MAML3: variants seen among roughly 807,000 people sequenced by gnomAD.
MAML3 encodes the protein mastermind like transcriptional coactivator 3, also known as mastermind-like protein 3.
MAML3 carries 27 observed loss-of-function variants against 101.9 expected under a neutral mutation model. The ratio of observed to expected loss-of-function variants is 0.27; its 90% CI spans 0.20 to 0.37. MAML3 has a LOEUF of 0.37. MAML3 is among the 10% of genes least tolerant of loss of function. The pLI is 1.00. For synonymous variants in MAML3, 501 were observed against 555.9 expected (o/e 0.90, Z 1.39); for missense variants, 1,316 against 1,444.9 (o/e 0.91, Z 1.45).
At chr4:139,817,839 G>A (rs1438372433) in intron 2 of MAML3, among the ~76,000 whole-genome samples, 1 of 152,140 alleles carries the variant, frequency 6.6e-6, no homozygotes, top group Non-Finnish European at 1.5e-5. Flanking sequence ...TCTCTGCACT[G>A]GCCTCCTGGC....
intron 1 of MAML3, among the ~76,000 whole-genome samples, chr4:139,896,312 C>T (rs1341346595): frequency 6.6e-6 from 1 of 152,182 alleles, no homozygotes; most frequent in Non-Finnish European, 1.5e-5. Flanking sequence ...GGCCCTTCTG[C>T]CTCGCAAAGC....
chr4:139,853,985 C>T (rs1731609688), intron 2 of MAML3, among the ~76,000 whole-genome samples: 1 of 151,894 alleles, frequency 6.6e-6, no homozygotes, highest in African/African-American at 2.4e-5. Context: ...TCATGCCCAG[C>T]TAATTTTTTT....
intron 1 of MAML3, among the ~76,000 whole-genome samples, chr4:140,076,463 G>A (rs1003574067): frequency 1.1e-4 from 16 of 152,106 alleles, no homozygotes; most frequent in African/African-American, 3.6e-4. Flanking sequence ...GACTTTTGTG[G>A]TTGAAATGAA....
chr4:139,951,516 C>T (rs1733831032), intron 1 of MAML3, among the ~76,000 whole-genome samples: 1 of 152,188 alleles, frequency 6.6e-6, no homozygotes, highest in Non-Finnish European at 1.5e-5. Context: ...CCTGCCATCA[C>T]AACTTGGTCC....
chr4:139,843,529 A>G (rs1042619837), intron 2 of MAML3, among the ~76,000 whole-genome samples: 1 of 152,204 alleles, frequency 6.6e-6, no homozygotes, highest in African/African-American at 2.4e-5. Context: ...GTAAAACCCA[A>G]AACCTGATGA....
At chr4:139,991,581 C>T (rs1245020081) in intron 1 of MAML3, among the ~76,000 whole-genome samples, 1 of 152,110 alleles carries the variant, frequency 6.6e-6, no homozygotes, top group Non-Finnish European at 1.5e-5. Context: ...ATATTTCCAA[C>T]ATAAATCTTG....
At chr4:139,780,013 C>T (rs1287210720) in intron 2 of MAML3, among the ~76,000 whole-genome samples, 3 of 152,248 alleles carry the variant, frequency 2.0e-5, no homozygotes, top group African/African-American at 4.8e-5. Context: ...CCAGCAGATG[C>T]GCTGCCATTC....
chr4:139,991,106 C>G (rs1734663837), intron 1 of MAML3, among the ~76,000 whole-genome samples: 1 of 152,128 alleles, frequency 6.6e-6, no homozygotes, highest in African/African-American at 2.4e-5. Context: ...CAATCCTAAG[C>G]CAAAAGAACA....
intron 1 of MAML3, among the ~76,000 whole-genome samples, chr4:140,069,368 GAAGA>G (rs1303400240): frequency 1.4e-4 from 19 of 134,826 alleles, no homozygotes; most frequent in African/African-American, 4.9e-4. Flanking sequence ...AGGAGAAGAA[GAAGA>G]AGAAGAAGAA....
chr4:139,902,306 C>A (rs189570046), intron 1 of MAML3, among the ~76,000 whole-genome samples: 1 of 152,150 alleles, frequency 6.6e-6, no homozygotes, highest in African/African-American at 2.4e-5. Flanking sequence ...AATGAGCGAG[C>A]AAACAGGACA....
chr4:140,133,054 G>T, intron 1 of MAML3: 1 of 430,926 alleles, frequency 2.3e-6, no homozygotes, highest in Non-Finnish European at 4.6e-6. Context: ...TTAAAAGGAG[G>T]GGAGAACAGA....
intron 2 of MAML3, among the ~76,000 whole-genome samples, chr4:139,872,615 A>G (rs1732035655): frequency 6.6e-6 from 1 of 152,226 alleles, no homozygotes; most frequent in Non-Finnish European, 1.5e-5. Context: ...GAACTGCAGC[A>G]TCAAAGATGT....
At chr4:139,768,564 C>A (rs759480752) in intron 2 of MAML3, among the ~76,000 whole-genome samples, 1 of 152,162 alleles carries the variant, frequency 6.6e-6, no homozygotes. Flanking sequence ...GTTGTAAATA[C>A]CTCCTTATGA....
chr4:139,986,369 G>A (rs1046143160), intron 1 of MAML3, among the ~76,000 whole-genome samples: 1 of 152,186 alleles, frequency 6.6e-6, no homozygotes, highest in East Asian at 1.9e-4. Flanking sequence ...GAAGAAAGCC[G>A]AGAAAATGGT....
intron 2 of MAML3, among the ~76,000 whole-genome samples, chr4:139,771,454 A>T (rs1048725028): frequency 6.6e-6 from 1 of 152,242 alleles, no homozygotes; most frequent in African/African-American, 2.4e-5. Flanking sequence ...GCGGGATAAG[A>T]TTCTGTGGCC....
At chr4:139,805,322 G>A (rs1730682508) in intron 2 of MAML3, among the ~76,000 whole-genome samples, 3 of 152,206 alleles carry the variant, frequency 2.0e-5, no homozygotes, top group African/African-American at 7.2e-5. Context: ...GACATTTCTT[G>A]TCTGAGAAAT....
intron 1 of MAML3, chr4:140,134,319 C>G (rs945658772): frequency 2.2e-6 from 1 of 456,594 alleles, no homozygotes; most frequent in African/African-American, 2.0e-5. Flanking sequence ...GGAACTTGTA[C>G]AACCAAGTCA....
intron 2 of MAML3, among the ~76,000 whole-genome samples, chr4:139,752,667 C>T (rs1414982552): frequency 1.3e-5 from 2 of 152,112 alleles, no homozygotes; most frequent in East Asian, 3.9e-4. Flanking sequence ...TACCACATAG[C>T]ATTTATACAT....
intron 1 of MAML3, among the ~76,000 whole-genome samples, chr4:140,028,932 T>C (rs1191499036): frequency 6.6e-6 from 1 of 152,240 alleles, no homozygotes; most frequent in East Asian, 1.9e-4. Context: ...TCTCCTTTTT[T>C]TCCTTCTATT....
Sources: gnomAD v4.1 joint callset for allele counts (sites outside exome capture counted in the v4.1 genomes callset) on GRCh38, gnomAD v4.1.1 for gene constraint, MANE v1.5 for transcripts, NCBI Gene and HGNC (gene_info 2026-07-23, HGNC 2026-07-21) for gene names.